The following ROBO2 variants were observed in gnomAD, a reference collection of about 807,000 sequenced individuals.
ROBO2 encodes roundabout homolog 2.
Under a neutral mutation model 160.8 loss-of-function variants are expected in ROBO2, and 53 were observed. The observed-to-expected ratio is 0.33, with a 90% CI of 0.26 to 0.41. ROBO2 has a LOEUF of 0.41. Ranked by LOEUF, ROBO2 falls within the 10% of genes least tolerant of loss-of-function variation. The probability of loss-of-function intolerance (pLI) is 1.00; values close to 1 mark genes in which losing one functional copy is unlikely to be tolerated. For synonymous variants in ROBO2, 664 were observed against 611.7 expected, an observed-to-expected ratio of 1.09 and a Z score of -1.26; for missense variants, 1,577 against 1,722.4, an observed-to-expected ratio of 0.92 and a Z score of 1.49.
rs35230657 is a variant in ROBO2 at position 77,531,402 on chromosome 3, ATT to A, written c.934+8509_934+8510del. Among the ~76,000 whole-genome samples, 77 of 151,082 alleles carry A rather than the reference ATT, an allele frequency of 5.1e-4. 1 individual carries two copies. Among genetic ancestry groups the A allele is most frequent in the African/African-American group, 1.6e-3 (65 of 41,228 alleles). ...ACTCTAAACAGAAATCTACAGGGAC[ATT>A]TTTTTTTTAATGTTTCAACTGCTTA... On this transcript the variant is annotated intron_variant, in intron 6 of 25. Coordinates refer to ENST00000461745, the Ensembl canonical transcript of ROBO2.
At chr3:76,185,196 A>ATG (rs1491157929) in intron 2 of ROBO2, among the ~76,000 whole-genome samples, 1 of 36,464 alleles carries the variant, frequency 2.7e-5, no homozygotes, top group Non-Finnish European at 6.0e-5. Flanking sequence ...GTAAACACAG[A>ATG]TATATATATA....
At chr3:76,793,927 A>G (rs2108762150) in intron 2 of ROBO2, among the ~76,000 whole-genome samples, 1 of 151,932 alleles carries the variant, frequency 6.6e-6, no homozygotes, top group East Asian at 1.9e-4. Context: ...ATCCTATTTG[A>G]TTTTTTTGAA....
chr3:75,926,717 A>G (rs1016451137), intron 1 of ROBO2, among the ~76,000 whole-genome samples: 2 of 152,200 alleles, frequency 1.3e-5, no homozygotes, highest in African/African-American at 2.4e-5. Context: ...AATTGAATTC[A>G]GCAAAAGTAA....
intron 2 of ROBO2, among the ~76,000 whole-genome samples, chr3:77,294,667 T>G (rs1404655585): frequency 6.8e-6 from 1 of 147,444 alleles, no homozygotes; most frequent in Non-Finnish European, 1.5e-5. Flanking sequence ...AGACATAAAG[T>G]AAAATTGATG....
At chr3:75,986,957 T>A (rs1479510810) in intron 2 of ROBO2, among the ~76,000 whole-genome samples, 1 of 151,898 alleles carries the variant, frequency 6.6e-6, no homozygotes, top group Non-Finnish European at 1.5e-5. Flanking sequence ...TGTGGCACCC[T>A]GTTTTGATTA....
chr3:77,022,578 C>G (rs964263831), intron 2 of ROBO2, among the ~76,000 whole-genome samples: 1 of 152,098 alleles, frequency 6.6e-6, no homozygotes, highest in African/African-American at 2.4e-5. Context: ...TAAAAATGGA[C>G]AATTTTCCCT....
chr3:76,012,631 T>C (rs901558131), intron 2 of ROBO2, among the ~76,000 whole-genome samples: 4 of 152,204 alleles, frequency 2.6e-5, no homozygotes, highest in Admixed American at 6.5e-5. Flanking sequence ...CTTTTTTTTT[T>C]CCCGTTAGCC....
intron 3 of ROBO2, among the ~76,000 whole-genome samples, chr3:77,478,147 A>T (rs989400580): frequency 2.0e-5 from 3 of 152,116 alleles, no homozygotes; most frequent in African/African-American, 7.2e-5. Flanking sequence ...CTTTTATAAA[A>T]TCTCCAGAAG....
chr3:76,058,853 T>C lies in ROBO2; in HGVS notation c.109+121251T>C, dbSNP rs1222032811. On this transcript the variant is annotated intron_variant, in intron 2 of 26. Coordinates refer to the ROBO2 transcript ENST00000487694. Reference sequence around the variant, plus strand: ...TGTGATGTTCCCCTTCCTGTGTCCATGTGTTCTCATTGTTCAATTCCCACC... The same window carrying C: ...TGTGATGTTCCCCTTCCTGTGTCCACGTGTTCTCATTGTTCAATTCCCACC... Among the ~76,000 whole-genome samples the C allele has an allele frequency of 3.9e-5, 5 of 129,642 alleles. No individual in the cohort carries two copies. The East Asian group carries it at 7.1e-4, about 19-fold the overall frequency. The allele number at this position is 129,642 out of a possible 152,430, so 85.1% of individuals were successfully genotyped here.
intron 2 of ROBO2, among the ~76,000 whole-genome samples, chr3:75,943,823 C>T (rs1948160821): frequency 6.6e-6 from 1 of 151,824 alleles, no homozygotes; most frequent in Non-Finnish European, 1.5e-5. Flanking sequence ...GCCTCAGGCT[C>T]CCGAGTAGCT....
At chr3:77,502,092 C>T (rs1302611175) in intron 5 of ROBO2, among the ~76,000 whole-genome samples, 3 of 152,006 alleles carry the variant, frequency 2.0e-5, no homozygotes, top group Non-Finnish European at 4.4e-5. Context: ...ATATAAATAT[C>T]AAAACTGATA....
At chr3:76,723,192 A>G (rs545576465) in intron 2 of ROBO2, among the ~76,000 whole-genome samples, 362 of 152,316 alleles carry the variant, frequency 2.4e-3, no homozygotes, top group Admixed American at 5.0e-3. Context: ...TAAAGTATGT[A>G]TTACAATAGT....
chr3:77,437,203 G>A (rs936190797), intron 2 of ROBO2, among the ~76,000 whole-genome samples: 1 of 151,936 alleles, frequency 6.6e-6, no homozygotes, highest in Non-Finnish European at 1.5e-5. Context: ...CATTCACTTG[G>A]CCTGCCAGCA....
rs537907832 is a variant in ROBO2, at chr3:77,302,548, G to A, written c.389-174866G>A. On this transcript the variant is annotated intron_variant, in intron 2 of 25. Coordinates refer to ENST00000461745, the Ensembl canonical transcript of ROBO2. ...GTGTATTTCTGTATAATTAATATGCGTTCTTGGCTAGAAATTCTTAAAGGT... is the reference window on the plus strand; with the variant it reads ...GTGTATTTCTGTATAATTAATATGCATTCTTGGCTAGAAATTCTTAAAGGT... 1.6e-4 allele frequency among the ~76,000 whole-genome samples: 24 copies of A among 152,084 alleles called. No homozygotes were observed. In the South Asian group the frequency reaches 2.7e-3, roughly 17 times the overall value.
chr3:76,597,414 A>C (rs1030544193), intron 2 of ROBO2, among the ~76,000 whole-genome samples: 2 of 152,128 alleles, frequency 1.3e-5, no homozygotes, highest in African/African-American at 4.8e-5. Context: ...ACTCAATAGT[A>C]AAACAAACTA....
intron 2 of ROBO2, among the ~76,000 whole-genome samples, chr3:75,964,488 T>G (rs1949035362): frequency 6.6e-6 from 1 of 151,708 alleles, no homozygotes; most frequent in South Asian, 2.1e-4. Context: ...AATACAATCC[T>G]GCACTTTATC....
intron 2 of ROBO2, among the ~76,000 whole-genome samples, chr3:76,148,301 T>A (rs936336285): frequency 1.4e-4 from 22 of 151,858 alleles, no homozygotes; most frequent in African/African-American, 5.1e-4. Flanking sequence ...TGAAGACAGC[T>A]CCCCTAGATA....
chr3:77,204,020 C>A (rs1037609503), intron 2 of ROBO2, among the ~76,000 whole-genome samples: 4 of 152,140 alleles, frequency 2.6e-5, no homozygotes, highest in Non-Finnish European at 4.4e-5. Flanking sequence ...TTTGGCCTGG[C>A]CTTAACCTCA....
intron 2 of ROBO2, among the ~76,000 whole-genome samples, chr3:76,388,238 A>G (rs1207454698): frequency 2.6e-5 from 4 of 151,774 alleles, no homozygotes; most frequent in African/African-American, 9.7e-5. Context: ...TCCATATAAT[A>G]CAGTGTAATT....
Sources: allele counts gnomAD v4.1 joint callset (sites outside exome capture counted in the v4.1 genomes callset), GRCh38; gene constraint gnomAD v4.1.1; transcripts MANE v1.5; gene names NCBI Gene and HGNC (gene_info 2026-07-23, HGNC 2026-07-21).